The following PRDM1 variants were observed in gnomAD, a reference collection of about 807,000 sequenced individuals.
PRDM1 encodes the protein PR/SET domain 1.
In PRDM1, 13 loss-of-function variants were observed where a neutral mutation model predicts 62.8. The observed-to-expected ratio is 0.21, with a 90% CI of 0.13 to 0.33. PRDM1 has a LOEUF of 0.33. Among genes scored for constraint, PRDM1 ranks in the 10% least tolerant of loss-of-function variants. The pLI, the probability that PRDM1 is intolerant of heterozygous loss-of-function variation, is 1.00. For synonymous variants in PRDM1, 396 were observed against 417.6 expected (o/e 0.95, Z 0.63); for missense variants, 895 against 1,058.8 (o/e 0.85, Z 2.15).
chr6:106,086,640 A>G (rs774687897), intron 1 of PRDM1, 45 bp downstream of exon 1: 12 of 1,488,118 alleles, frequency 8.1e-6, no homozygotes, highest in Non-Finnish European at 1.0e-5. Context: ...AATTGATCTG[A>G]AAACTTTATT....
chr6:106,092,450 C>G (rs1200185963), intron 2 of PRDM1, among the ~76,000 whole-genome samples: 2 of 152,210 alleles, frequency 1.3e-5, no homozygotes, highest in Non-Finnish European at 2.9e-5. Flanking sequence ...ACAGAGCGGC[C>G]TGTCCCCAGC....
chr6:106,103,648 A>C (rs574921440), intron 4 of PRDM1, among the ~76,000 whole-genome samples: 2 of 152,322 alleles, frequency 1.3e-5, no homozygotes, highest in South Asian at 4.1e-4. Flanking sequence ...TGAAGGCATC[A>C]TTTATTGTGT....
At chr6:106,063,527 TAA>T (rs891911678) in intron 1 of PRDM1, among the ~76,000 whole-genome samples, 1 of 152,186 alleles carries the variant, frequency 6.6e-6, no homozygotes, top group African/African-American at 2.4e-5. Flanking sequence ...TCTTCATATA[TAA>T]AGAGAGTGAG....
At chr6:106,015,170 A>G (rs1562144941) in intron 1 of PRDM1, among the ~76,000 whole-genome samples, 2 of 152,244 alleles carry the variant, frequency 1.3e-5, no homozygotes, top group Non-Finnish European at 2.9e-5. Context: ...GCCTATGGAA[A>G]TAAGGCTGCT....
intron 1 of PRDM1, among the ~76,000 whole-genome samples, chr6:106,004,485 A>C (rs569922104): frequency 6.6e-6 from 1 of 152,278 alleles, no homozygotes; most frequent in Non-Finnish European, 1.5e-5. Flanking sequence ...TGACTTCTTG[A>C]CCCTTTGCAA....
chr6:105,996,664 T>C (rs1277235084), intron 1 of PRDM1, among the ~76,000 whole-genome samples: 1 of 152,262 alleles, frequency 6.6e-6, no homozygotes, highest in East Asian at 1.9e-4. Context: ...AAATAACCTG[T>C]CATCCTTTAG....
intron 1 of PRDM1, among the ~76,000 whole-genome samples, chr6:106,015,879 T>C (rs186722273): frequency 6.6e-6 from 1 of 152,262 alleles, no homozygotes; most frequent in Non-Finnish European, 1.5e-5. Context: ...AAGTATGCTA[T>C]TCAGTAGCAT....
intron 2 of PRDM1, among the ~76,000 whole-genome samples, chr6:106,094,950 CTT>C (rs781387716): frequency 2.7e-5 from 4 of 149,734 alleles, no homozygotes; most frequent in Non-Finnish European, 5.9e-5. Context: ...TTTGACCACT[CTT>C]GAGTAGAAGA....
chr6:106,011,625 G>T (rs774940243), intron 1 of PRDM1, among the ~76,000 whole-genome samples: 7 of 151,840 alleles, frequency 4.6e-5, no homozygotes, highest in African/African-American at 1.7e-4. Context: ...CTCACCCCCC[G>T]CCCCCTGCAA....
rs1774443008 is a variant in PRDM1 at position 106,105,438 on chromosome 6, C to T, written c.1278C>T (p.Ser426=). The change falls in exon 5 of 7, where the codon AGC becomes AGT. Residue 426 remains serine, a synonymous_variant. Coordinates refer to ENST00000369096, the MANE Select transcript of PRDM1 (RefSeq NM_001198.4). ...ACGGCATGAATTGTAATGGCCTGAG[C>T]GCTGTGAGCAGCATGAATGGCATCA... The part of the protein sequence containing the change: ...PPYGMNCNGL[S]AVSSMNGINN... 1.9e-6 allele frequency: 3 copies of T among 1,614,184 alleles called. No individual in the cohort carries two copies. Among genetic ancestry groups the T allele is most frequent in the South Asian group, 1.1e-5 (1 of 91,086 alleles).
chr6:106,022,153 TC>T (rs1458285377), intron 1 of PRDM1, among the ~76,000 whole-genome samples: 11 of 152,220 alleles, frequency 7.2e-5, no homozygotes, highest in African/African-American at 2.2e-4. Flanking sequence ...AGCAAGCTGT[TC>T]TAGCAGAATT....
At chr6:106,009,998 G>C (rs1286518599) in intron 1 of PRDM1, among the ~76,000 whole-genome samples, 1 of 152,126 alleles carries the variant, frequency 6.6e-6, no homozygotes, top group Non-Finnish European at 1.5e-5. Context: ...GATTACAGAC[G>C]TGAGCCACCA....
At chr6:106,038,713 G>A (rs1463664751) in intron 1 of PRDM1, among the ~76,000 whole-genome samples, 1 of 152,228 alleles carries the variant, frequency 6.6e-6, no homozygotes, top group Non-Finnish European at 1.5e-5. Flanking sequence ...CTGGCAAGCT[G>A]CTCCAGGAGT....
At chr6:106,067,556 G>T (rs1562158133) in intron 1 of PRDM1, among the ~76,000 whole-genome samples, 1 of 152,334 alleles carries the variant, frequency 6.6e-6, no homozygotes, top group Non-Finnish European at 1.5e-5. Context: ...GGACTGAAGT[G>T]CTGATATATG....
At chr6:106,000,743 G>A (rs1253827989) in intron 1 of PRDM1, among the ~76,000 whole-genome samples, 8 of 152,024 alleles carry the variant, frequency 5.3e-5, no homozygotes, top group African/African-American at 1.2e-4. Context: ...ATGTTGCTTT[G>A]TTTCATTCCA....
chr6:106,105,977 C>T, intron 5 of PRDM1, 44 bp downstream of exon 5: 1 of 1,567,572 alleles, frequency 6.4e-7, no homozygotes, highest in Non-Finnish European at 8.6e-7. Context: ...TGAGTGCATG[C>T]TTGTGTTTGT....
chr6:106,078,969 T>C (rs1020084787), intron 1 of PRDM1, among the ~76,000 whole-genome samples: 1 of 151,634 alleles, frequency 6.6e-6, no homozygotes, highest in Non-Finnish European at 1.5e-5. Flanking sequence ...ATTATTATTA[T>C]TATTATTTTC....
At chr6:106,008,302 G>C (rs1386792088) in intron 1 of PRDM1, among the ~76,000 whole-genome samples, 8 of 152,174 alleles carry the variant, frequency 5.3e-5, no homozygotes, top group Admixed American at 5.2e-4. Flanking sequence ...GAACTCAGGA[G>C]GCAGAGGTTG....
chr6:106,061,158 T>C (rs1305514121), intron 1 of PRDM1, among the ~76,000 whole-genome samples: 1 of 151,366 alleles, frequency 6.6e-6, no homozygotes, highest in Non-Finnish European at 1.5e-5. Context: ...CTGAGTGCCT[T>C]CCAGCAGTTC....
Sources: allele counts gnomAD v4.1 joint callset (sites outside exome capture counted in the v4.1 genomes callset), GRCh38; gene constraint gnomAD v4.1.1; transcripts MANE v1.5; gene names NCBI Gene and HGNC (gene_info 2026-07-23, HGNC 2026-07-21).